The following NRG1 variants were observed in gnomAD, a reference collection of about 807,000 sequenced individuals.
The protein encoded by NRG1 is pro-neuregulin-1, membrane-bound isoform.
A neutral mutation model predicts 63.8 loss-of-function variants in NRG1; 18 were observed. That is an observed-to-expected ratio of 0.28 (90% CI 0.19 to 0.42). NRG1 has a LOEUF of 0.42. Ranked by LOEUF, NRG1 falls within the 10% of genes least tolerant of loss-of-function variation. The pLI is 1.00. For synonymous variants in NRG1, 302 were observed against 301.3 expected, an observed-to-expected ratio of 1.00 and a Z score of -0.02; for missense variants, 762 against 814.7, an observed-to-expected ratio of 0.94 and a Z score of 0.79.
intron 1 of NRG1, among the ~76,000 whole-genome samples, chr8:31,984,046 G>A (rs1375012066): frequency 1.3e-5 from 2 of 152,056 alleles, no homozygotes; most frequent in East Asian, 1.9e-4. Flanking sequence ...TTCAAATTAA[G>A]GAGTCTCTGT....
chr8:32,654,620 C>A (rs1276251331), intron 5 of NRG1, among the ~76,000 whole-genome samples: 1 of 75,564 alleles, frequency 1.3e-5, no homozygotes, highest in African/African-American at 4.6e-5. Context: ...CAGAGTCAGA[C>A]TCTGCCTCAA....
At chr8:32,012,747 T>C (rs1394747617) in intron 1 of NRG1, among the ~76,000 whole-genome samples, 2 of 152,078 alleles carry the variant, frequency 1.3e-5, no homozygotes, top group Non-Finnish European at 2.9e-5. Context: ...TGAGATAATA[T>C]ATGTCAAGTG....
At chr8:32,651,839 T>C (rs1024522095) in intron 5 of NRG1, among the ~76,000 whole-genome samples, 15 of 152,168 alleles carry the variant, frequency 9.9e-5, no homozygotes. Context: ...ACTATGTTTG[T>C]AGGTATTTCA....
At chr8:32,340,141 C>T (rs750639465) in intron 1 of NRG1, among the ~76,000 whole-genome samples, 3 of 152,120 alleles carry the variant, frequency 2.0e-5, no homozygotes, top group Non-Finnish European at 4.4e-5. Flanking sequence ...GATTAATTGG[C>T]ATTTAATGAA....
intron 1 of NRG1, among the ~76,000 whole-genome samples, chr8:32,594,548 CCA>C (rs1194753309): frequency 6.6e-6 from 1 of 152,186 alleles, no homozygotes; most frequent in East Asian, 1.9e-4. Context: ...TACCCAGTTT[CCA>C]CAGTTATCAG....
chr8:32,158,233 A>G (rs1277037379), intron 1 of NRG1, among the ~76,000 whole-genome samples: 1 of 151,550 alleles, frequency 6.6e-6, no homozygotes, highest in Non-Finnish European at 1.5e-5. Flanking sequence ...TTACCCCTTC[A>G]CAACTAGGGT....
intron 1 of NRG1, among the ~76,000 whole-genome samples, chr8:32,378,540 T>G (rs905727444): frequency 6.6e-6 from 1 of 152,160 alleles, no homozygotes; most frequent in African/African-American, 2.4e-5. Flanking sequence ...TTTTCTATTT[T>G]TACAGGAAAG....
rs542823597 is a variant in NRG1 at position 32,075,035 on chromosome 8, A to C, written c.37+435604A>C. Among the ~76,000 whole-genome samples the C allele has an allele frequency of 2.6e-5, 4 of 152,356 alleles. No individual in the cohort carries two copies. In the South Asian group the frequency reaches 8.3e-4, roughly 32 times the overall value. On this transcript the variant is annotated intron_variant, in intron 1 of 10. Coordinates refer to the NRG1 transcript ENST00000519301. ...TCAGTTTCCTCATATGTAAAAAAGAAATGTTAATAGCAGCTTACCTTGTGG... is the reference window on the plus strand; with the variant it reads ...TCAGTTTCCTCATATGTAAAAAAGACATGTTAATAGCAGCTTACCTTGTGG...
intron 1 of NRG1, among the ~76,000 whole-genome samples, chr8:31,860,762 C>T (rs777745113): frequency 2.1e-4 from 32 of 152,104 alleles, no homozygotes; most frequent in Non-Finnish European, 4.3e-4. Flanking sequence ...ATATATTTTT[C>T]CCTCCTCCAT....
chr8:32,764,974 A>G (rs1405773376), exon 12 of NRG1: 1 of 152,258 alleles, frequency 6.6e-6, no homozygotes, highest in Non-Finnish European at 1.5e-5. Flanking sequence ...TATTAAATAC[A>G]GCAAGAAACT....
At chr8:31,645,680 C>T (rs996218691) in intron 1 of NRG1, among the ~76,000 whole-genome samples, 12 of 152,148 alleles carry the variant, frequency 7.9e-5, no homozygotes, top group African/African-American at 2.9e-4. Flanking sequence ...TTTTGGTCTT[C>T]TTCAGGAGAA....
intron 1 of NRG1, among the ~76,000 whole-genome samples, chr8:32,095,047 G>A (rs564136876): frequency 4.6e-5 from 7 of 151,938 alleles, no homozygotes; most frequent in Non-Finnish European, 7.4e-5. Context: ...AAGTAGCTGG[G>A]ATTACAGGCA....
At chr8:31,678,958 ATTG>A (rs1808032242) in intron 1 of NRG1, among the ~76,000 whole-genome samples, 1 of 151,718 alleles carries the variant, frequency 6.6e-6, no homozygotes, top group Non-Finnish European at 1.5e-5. Context: ...TTTAAGCTTT[ATTG>A]CTTTTATTAG....
chr8:32,376,588 T>C (rs868055614), intron 1 of NRG1, among the ~76,000 whole-genome samples: 1 of 152,200 alleles, frequency 6.6e-6, no homozygotes, highest in Non-Finnish European at 1.5e-5. Flanking sequence ...TGGAAAAATA[T>C]AAATTGGGGC....
intron 5 of NRG1, among the ~76,000 whole-genome samples, chr8:32,671,871 C>T (rs1224224996): frequency 6.6e-6 from 1 of 152,078 alleles, no homozygotes; most frequent in Non-Finnish European, 1.5e-5. Context: ...ATCATTATAT[C>T]CACTTTAAGT....
chr8:31,726,467 A>G (rs1304958024), intron 1 of NRG1, among the ~76,000 whole-genome samples: 5 of 152,136 alleles, frequency 3.3e-5, no homozygotes, highest in Non-Finnish European at 7.4e-5. Context: ...AAACTTAAAA[A>G]GTTTCTCATG....
intron 1 of NRG1, among the ~76,000 whole-genome samples, chr8:32,449,842 C>A (rs1405924272): frequency 6.6e-6 from 1 of 152,140 alleles, no homozygotes; most frequent in Non-Finnish European, 1.5e-5. Context: ...TGAGAAGAAA[C>A]ATGCCATTCA....
chr8:31,912,366 C>T (rs935341840), intron 1 of NRG1, among the ~76,000 whole-genome samples: 9 of 151,936 alleles, frequency 5.9e-5, no homozygotes, highest in Admixed American at 1.3e-4. Flanking sequence ...GCTAGCAGAG[C>T]TTAGGCACAG....
chr8:31,934,414 C>T (rs1011437391), intron 1 of NRG1, among the ~76,000 whole-genome samples: 2 of 47,904 alleles, frequency 4.2e-5, no homozygotes, highest in South Asian at 6.0e-4. Context: ...CCCCTTTATT[C>T]GCTCTCTTTT....
Sources: allele counts gnomAD v4.1 joint callset (sites outside exome capture counted in the v4.1 genomes callset), GRCh38; gene constraint gnomAD v4.1.1; transcripts MANE v1.5; gene names NCBI Gene and HGNC (gene_info 2026-07-23, HGNC 2026-07-21).